The following CERS5 variants were observed in gnomAD, a reference collection of about 807,000 sequenced individuals.
CERS5 encodes LAG1 homolog, ceramide synthase 5.
In CERS5, 37 loss-of-function variants were observed where a neutral mutation model predicts 58.9. That is an observed-to-expected ratio of 0.63 (90% CI 0.48 to 0.83). The LOEUF (loss-of-function observed/expected upper bound fraction) is 0.83, where lower values mean the gene tolerates loss of function less well. Among genes scored for constraint, CERS5 ranks in the 40% least tolerant of loss-of-function variants. The probability of loss-of-function intolerance (pLI) is 0.00; values close to 1 mark genes in which losing one functional copy is unlikely to be tolerated. For synonymous variants in CERS5, 147 were observed against 177.8 expected (o/e 0.83, Z 1.38); for missense variants, 398 against 489.3 (o/e 0.81, Z 1.76).
intron 4 of CERS5, among the ~76,000 whole-genome samples, chr12:50,141,330 G>A (rs113367922): frequency 9.2e-5 from 14 of 152,238 alleles, no homozygotes; most frequent in African/African-American, 3.4e-4. Flanking sequence ...AAAATTACAG[G>A]TGTGAGCCAC....
intron 3 of CERS5, 130 bp downstream of exon 3, chr12:50,142,944 T>C: frequency 5.0e-6 from 5 of 997,090 alleles, no homozygotes; most frequent in Middle Eastern, 3.4e-4. Flanking sequence ...CTACCTATAA[T>C]AGGCTGAGTT....
intron 9 of CERS5, among the ~76,000 whole-genome samples, chr12:50,131,677 G>A (rs1185565876): frequency 6.6e-6 from 1 of 151,788 alleles, no homozygotes; most frequent in Non-Finnish European, 1.5e-5. Flanking sequence ...TTCTAATCAT[G>A]CTACCATCTG....
In CERS5 at chr12:50,143,758, TAAACTTGACATACGTAGGGCCC is replaced by T. The variant is rs1952107790; in HGVS notation, c.303+172_303+193del. 6.4e-5 allele frequency: 33 copies of T among 514,500 alleles called. No individual in the cohort carries two copies. The South Asian group carries it at 9.5e-4, about 15-fold the overall frequency. The allele number at this position is 514,500 out of a possible 1,614,324, so 31.9% of individuals were successfully genotyped here. ...CTAAAACTCAAACCTACTACGTACG[TAAACTTGACATACGTAGGGCCC>T]AAAGGTTTTCCCTGAGGGGATAAAG... On this transcript the variant is annotated intron_variant, in intron 2 of 9. Transcript: ENST00000317551.
chr12:50,131,569 A>G (rs1178890519), intron 9 of CERS5, among the ~76,000 whole-genome samples: 8 of 124,440 alleles, frequency 6.4e-5, no homozygotes, highest in Non-Finnish European at 1.4e-4. Context: ...AAAAAAAAAA[A>G]AAAAAAAAGA....
intron 8 of CERS5, among the ~76,000 whole-genome samples, chr12:50,135,091 CAG>C (rs1267948179): frequency 7.8e-6 from 1 of 128,928 alleles, no homozygotes; most frequent in Non-Finnish European, 1.6e-5. Context: ...TGAAAGGAGA[CAG>C]GGAGAGAGAG....
Position 50,167,201 on chromosome 12 carries a change from C to G in CERS5, c.97G>C (p.Glu33Gln). ...TAACCGTAGCCGTCGGCCGGCCCCT[C>G]CAGATCAGCCCAGCTCACGTTCTCG... Reference protein sequence around the residue: ...LPENVSWADLEGPADGYGYPR... With the variant: ...LPENVSWADLQGPADGYGYPR... Residue 33 changes from glutamate to glutamine, a missense_variant, in exon 1 of 10, where the codon GAG becomes CAG. Around this residue, in one of 3 missense-constraint regions of CERS5, gnomAD observed 328 missense variants for 384.5 expected, o/e 0.85. Coordinates refer to ENST00000317551, the MANE Select transcript of CERS5 (RefSeq NM_147190.5). The G allele has an allele frequency of 6.2e-7, 1 of 1,607,470 alleles. No homozygotes were observed. Among genetic ancestry groups the G allele is most frequent in the Non-Finnish European group, 8.5e-7 (1 of 1,178,322 alleles).
chr12:50,135,063 G>C (rs1951557089), intron 8 of CERS5, among the ~76,000 whole-genome samples: 2 of 148,962 alleles, frequency 1.3e-5, no homozygotes, highest in African/African-American at 5.0e-5. Context: ...GATTCCCATA[G>C]AGCAGTGAAT....
At chr12:50,156,374 A>G (rs1938623322) in intron 1 of CERS5, among the ~76,000 whole-genome samples, 1 of 144,110 alleles carries the variant, frequency 6.9e-6, no homozygotes, top group African/African-American at 2.6e-5. Context: ...ACTGCACTCC[A>G]GCCTGGGTGA....
chr12:50,130,253 C>A lies in CERS5; in HGVS notation c.*292G>T. On this transcript the variant is annotated 3_prime_UTR_variant, in exon 10 of 10. Coordinates refer to ENST00000317551, the MANE Select transcript of CERS5 (RefSeq NM_147190.5). The stretch of plus-strand genomic sequence containing the variant: ...TGGGGACCAGGGAAGGCCTCATGGC[C>A]CCAGTCCACAATTGTGCCCCAACCC... 3.8e-6 allele frequency: 1 copy of A among 262,738 alleles called. No individual in the cohort carries two copies. Among genetic ancestry groups the A allele is most frequent in the Non-Finnish European group, 7.2e-6 (1 of 138,798 alleles). 16.3% of individuals were successfully genotyped at this position (262,738 alleles called of 1,614,324 possible). A position where few individuals can be genotyped will look rare whatever the true frequency, so the allele number is the denominator to read the frequency against.
chr12:50,149,799 G>T (rs1355991376), intron 1 of CERS5, among the ~76,000 whole-genome samples: 1 of 152,160 alleles, frequency 6.6e-6, no homozygotes, highest in Non-Finnish European at 1.5e-5. Flanking sequence ...AAGTGTGGTG[G>T]CGTGATCTGG....
Position 50,150,255 on chromosome 12 carries a change from G to A in CERS5, c.198-6198C>T, listed in dbSNP as rs548056551. 8.5e-5 allele frequency among the ~76,000 whole-genome samples: 13 copies of A among 152,300 alleles called. No homozygotes were observed. The South Asian group carries it at 2.3e-3, about 27-fold the overall frequency. ...ATGTGCCCATGGTCCCAGCTACTGC[G>A]GAGGCTGAGGCAGGAGGACTGCTTG... On this transcript the variant is annotated intron_variant, in intron 1 of 9. Transcript: ENST00000317551.
At chr12:50,162,437 G>A (rs1939410328) in intron 1 of CERS5, among the ~76,000 whole-genome samples, 1 of 151,974 alleles carries the variant, frequency 6.6e-6, no homozygotes, top group Admixed American at 6.6e-5. Context: ...AAAGGAGGCC[G>A]GAGTTCTAGC....
chr12:50,140,068 C>T (rs1951884390), intron 4 of CERS5, among the ~76,000 whole-genome samples: 1 of 151,942 alleles, frequency 6.6e-6, no homozygotes, highest in African/African-American at 2.4e-5. Flanking sequence ...ACCTATTTTG[C>T]TTATCTTTTT....
chr12:50,136,404 T>C (rs1592346006), intron 6 of CERS5, among the ~76,000 whole-genome samples: 3 of 151,068 alleles, frequency 2.0e-5, no homozygotes, highest in African/African-American at 7.3e-5. Flanking sequence ...ACCTGGGAGG[T>C]AGAGGTTGCA....
intron 1 of CERS5, 37 bp downstream of exon 1, chr12:50,167,064 C>T: frequency 6.9e-7 from 1 of 1,455,224 alleles, no homozygotes; most frequent in Non-Finnish European, 9.1e-7. Flanking sequence ...CCCCGGCCCG[C>T]GCCCGGCCCC....
chr12:50,158,748 A>C (rs1201738483), intron 1 of CERS5, among the ~76,000 whole-genome samples: 2 of 152,180 alleles, frequency 1.3e-5, no homozygotes, highest in Non-Finnish European at 2.9e-5. Flanking sequence ...AATCTGATCT[A>C]GTTTGAGACA....
At chr12:50,148,946 A>G (rs10876003) in intron 1 of CERS5, among the ~76,000 whole-genome samples, 3,388 of 103,048 alleles carry the variant, frequency 0.033, 153 homozygotes, top group African/African-American at 0.1. Context: ...ATATATATAT[A>G]TGTGTGTGTG....
intron 1 of CERS5, chr12:50,144,665 A>G: frequency 1.6e-6 from 1 of 609,378 alleles, no homozygotes; most frequent in Non-Finnish European, 2.7e-6. Flanking sequence ...TCGAGAAGAA[A>G]GAAATCAGGA....
intron 5 of CERS5, 27 bp downstream of exon 5, chr12:50,138,540 C>A: frequency 6.2e-7 from 1 of 1,603,014 alleles, no homozygotes; most frequent in Non-Finnish European, 8.5e-7. Flanking sequence ...ATTCAAGACC[C>A]CTATCCTGAA....
Sources: allele counts gnomAD v4.1 joint callset (sites outside exome capture counted in the v4.1 genomes callset), GRCh38; gene constraint gnomAD v4.1.1; regional missense constraint gnomAD v4.1.1; transcripts MANE v1.5; gene names NCBI Gene and HGNC (gene_info 2026-07-23, HGNC 2026-07-21).